The following FHIP1A variants were observed in gnomAD, a reference collection of about 807,000 sequenced individuals.
FHIP1A encodes FHF complex subunit HOOK interacting protein 1A.
In FHIP1A, 61 loss-of-function variants were observed where a neutral mutation model predicts 88.6. The observed-to-expected ratio is 0.69, with a 90% CI of 0.56 to 0.85. The LOEUF (loss-of-function observed/expected upper bound fraction) is 0.85. Among genes scored for constraint, FHIP1A ranks in the 40% least tolerant of loss-of-function variants. The pLI is 0.00. For missense variants in FHIP1A, 1,154 were observed against 1,273.5 expected (o/e 0.91, Z 1.43); for synonymous variants, 478 against 496.0 (o/e 0.96, Z 0.48).
chr4:151,509,508 A>G (rs948412070), intron 3 of FHIP1A, among the ~76,000 whole-genome samples: 1 of 152,086 alleles, frequency 6.6e-6, no homozygotes, highest in East Asian at 1.9e-4. Flanking sequence ...GATGGTACAG[A>G]CTACATTAGC....
chr4:151,565,729 T>C (rs1023083090), intron 3 of FHIP1A, among the ~76,000 whole-genome samples: 1 of 151,948 alleles, frequency 6.6e-6, no homozygotes, highest in Non-Finnish European at 1.5e-5. Flanking sequence ...GGTATCATAA[T>C]AGTTTGGTGC....
intron 3 of FHIP1A, among the ~76,000 whole-genome samples, chr4:151,501,573 G>C (rs1241735937): frequency 6.7e-6 from 1 of 149,846 alleles, no homozygotes; most frequent in Non-Finnish European, 1.5e-5. Context: ...TTTGTTTTCT[G>C]TTTTCTTTAA....
rs1038242965 is a variant in FHIP1A, at chr4:151,665,057, C to T, written c.*2303C>T. Among the ~76,000 whole-genome samples the T allele has an allele frequency of 6.6e-6, 1 of 152,118 alleles. No homozygotes were observed. The highest frequency in any genetic ancestry group is 1.5e-5 in the Non-Finnish European group (1 of 68,036). ...TGGTGTGATCACAGCTCATTGTAGCCTCAACCTCCTGGGCTCAAGTGATCC... is the reference window on the plus strand; with the variant it reads ...TGGTGTGATCACAGCTCATTGTAGCTTCAACCTCCTGGGCTCAAGTGATCC... On this transcript the variant is annotated 3_prime_UTR_variant, in exon 14 of 14. Transcript: ENST00000435205.
intron 13 of FHIP1A, 75 bp from the exon 14 acceptor site, chr4:151,662,426 A>G (rs983296838): frequency 7.7e-6 from 11 of 1,431,112 alleles, no homozygotes; most frequent in Non-Finnish European, 1.0e-5. Context: ...TCTGCCCCCA[A>G]ACACATGCTT....
At chr4:151,500,122 A>G (rs1038472692) in intron 3 of FHIP1A, among the ~76,000 whole-genome samples, 7 of 152,202 alleles carry the variant, frequency 4.6e-5, no homozygotes, top group Admixed American at 1.3e-4. Context: ...TATGGCCACT[A>G]TCAGGCCTGT....
At chr4:151,456,260 G>C (rs1470865928) in intron 2 of FHIP1A, among the ~76,000 whole-genome samples, 3 of 152,106 alleles carry the variant, frequency 2.0e-5, no homozygotes, top group African/African-American at 7.2e-5. Flanking sequence ...AATAACATCA[G>C]CTTTCAGTAC....
intron 3 of FHIP1A, among the ~76,000 whole-genome samples, chr4:151,524,384 GA>G (rs1259135523): frequency 6.6e-6 from 1 of 152,024 alleles, no homozygotes; most frequent in East Asian, 1.9e-4. Flanking sequence ...GAAAAAAGCT[GA>G]AATCCAGTGG....
intron 3 of FHIP1A, among the ~76,000 whole-genome samples, chr4:151,486,868 T>C (rs183709790): frequency 1.6e-4 from 24 of 151,448 alleles, no homozygotes; most frequent in Admixed American, 1.6e-3. Context: ...CTCGGGAGGC[T>C]GAGGCAGGAG....
intron 1 of FHIP1A, among the ~76,000 whole-genome samples, chr4:151,427,560 G>A (rs1321869248): frequency 6.6e-6 from 1 of 152,080 alleles, no homozygotes; most frequent in East Asian, 1.9e-4. Flanking sequence ...TGTGGTATAT[G>A]TGTTCATACA....
chr4:151,599,027 TAA>T (rs1420581231), intron 7 of FHIP1A, among the ~76,000 whole-genome samples: 1 of 152,210 alleles, frequency 6.6e-6, no homozygotes, highest in Non-Finnish European at 1.5e-5. Flanking sequence ...TTACTTTTCT[TAA>T]AGTTTTGCAT....
At chr4:151,553,542 T>A (rs1196715465) in intron 3 of FHIP1A, among the ~76,000 whole-genome samples, 1 of 152,232 alleles carries the variant, frequency 6.6e-6, no homozygotes, top group Non-Finnish European at 1.5e-5. Context: ...TAATCAGTTT[T>A]GTTTATATTT....
chr4:151,556,159 G>T (rs1732939573), intron 3 of FHIP1A, among the ~76,000 whole-genome samples: 1 of 152,078 alleles, frequency 6.6e-6, no homozygotes, highest in African/African-American at 2.4e-5. Context: ...AACATGGTCA[G>T]ATTTTTAAAG....
chr4:151,592,943 G>A (rs1404823005), intron 7 of FHIP1A, among the ~76,000 whole-genome samples: 1 of 152,156 alleles, frequency 6.6e-6, no homozygotes, highest in Non-Finnish European at 1.5e-5. Context: ...TTTTGTATAA[G>A]GTGTAAGGAA....
chr4:151,464,736 C>A (rs1186821290), intron 2 of FHIP1A, among the ~76,000 whole-genome samples: 1 of 152,168 alleles, frequency 6.6e-6, no homozygotes, highest in Non-Finnish European at 1.5e-5. Flanking sequence ...AGGTGAGAGG[C>A]TGACCTGAGT....
chr4:151,587,253 A>G (rs1416211733), intron 6 of FHIP1A, among the ~76,000 whole-genome samples: 1 of 152,192 alleles, frequency 6.6e-6, no homozygotes, highest in Non-Finnish European at 1.5e-5. Flanking sequence ...AAGCATTTTC[A>G]TTGCAACACA....
intron 3 of FHIP1A, among the ~76,000 whole-genome samples, chr4:151,486,967 T>TAAA (rs72527669): frequency 1.4e-5 from 2 of 144,072 alleles, no homozygotes; most frequent in African/African-American, 2.6e-5. Context: ...AAACTCCATT[T>TAAA]AAAAAAAAAA....
chr4:151,560,928 C>T lies in FHIP1A; in HGVS notation c.-122-5210C>T, dbSNP rs1437028455. On this transcript the variant is annotated intron_variant, in intron 3 of 13. Transcript: ENST00000435205. ...TTGATCTACTTAGTTTCCTAAATAG[C>T]TTTAAAATTAAGTCCAAAAACAAAT... Among the ~76,000 whole-genome samples, 6 of 151,928 alleles carry T rather than the reference C, an allele frequency of 3.9e-5. No homozygotes were observed. The East Asian group carries it at 9.6e-4, about 24-fold the overall frequency.
At chr4:151,624,574 G>T (rs1461510042) in intron 7 of FHIP1A, among the ~76,000 whole-genome samples, 1 of 152,162 alleles carries the variant, frequency 6.6e-6, no homozygotes. Context: ...CAGATCCATT[G>T]AAGAAATGCT....
chr4:151,471,350 A>T (rs951678059), intron 2 of FHIP1A, among the ~76,000 whole-genome samples: 1 of 149,050 alleles, frequency 6.7e-6, no homozygotes, highest in Non-Finnish European at 1.5e-5. Flanking sequence ...AGAAAAAACC[A>T]CCAAAACAGC....
Sources: allele counts gnomAD v4.1 joint callset (sites outside exome capture counted in the v4.1 genomes callset), GRCh38; gene constraint gnomAD v4.1.1; transcripts MANE v1.5; gene names NCBI Gene and HGNC (gene_info 2026-07-23, HGNC 2026-07-21).